BMPR1B: variants seen among roughly 807,000 people sequenced by gnomAD.
BMPR1B encodes the protein bone morphogenetic protein receptor type 1B.
A neutral mutation model predicts 59.1 loss-of-function variants in BMPR1B; 12 were observed. The observed-to-expected ratio is 0.20, with a 90% CI of 0.13 to 0.33. The LOEUF (loss-of-function observed/expected upper bound fraction) is 0.33, where lower values mean the gene tolerates loss of function less well. BMPR1B is among the 10% of genes least tolerant of loss of function. The pLI is 1.00. For synonymous variants in BMPR1B, 237 were observed against 207.3 expected, an observed-to-expected ratio of 1.14 and a Z score of -1.23; for missense variants, 550 against 610.9, an observed-to-expected ratio of 0.90 and a Z score of 1.05.
intron 1 of BMPR1B, among the ~76,000 whole-genome samples, chr4:94,837,941 C>T (rs1430283336): frequency 7.8e-6 from 1 of 127,838 alleles, no homozygotes; most frequent in African/African-American, 3.2e-5. Context: ...CCATCAATAC[C>T]TAATTTGTTG....
chr4:94,824,510 T>G (rs1006259394), intron 1 of BMPR1B, among the ~76,000 whole-genome samples: 1 of 152,244 alleles, frequency 6.6e-6, no homozygotes, highest in African/African-American at 2.4e-5. Context: ...TGTATCCTTA[T>G]GCTATTTGAA....
In BMPR1B at chr4:95,154,856, G is replaced by C. The variant is rs2149333208; in HGVS notation, c.*183G>C. On this transcript the variant is annotated 3_prime_UTR_variant, in exon 13 of 13. Coordinates refer to ENST00000515059, the MANE Select transcript of BMPR1B (RefSeq NM_001203.3). ...GCAAAGACAGAGAAGCTCCCAGAAG[G>C]AGAGATTGATCCATGTCTGTTTGTA... 1 of 773,288 alleles carries C rather than the reference G, an allele frequency of 1.3e-6. No individual in the cohort carries two copies. The highest frequency in any genetic ancestry group is 2.5e-5 in the Admixed American group (1 of 40,796). The allele number at this position is 773,288 out of a possible 1,614,324, so 47.9% of individuals were successfully genotyped here. A position where few individuals can be genotyped will look rare whatever the true frequency, so the allele number is the denominator to read the frequency against.
Position 95,104,517 on chromosome 4 carries a change from T to C in BMPR1B, c.93T>C (p.Arg31=), listed in dbSNP as rs1731064692. The C allele has an allele frequency of 1.2e-6, 2 of 1,612,954 alleles. No homozygotes were observed. The highest frequency in any genetic ancestry group is 1.3e-5 in the African/African-American group (1 of 74,766). ...TAPTPRPKVL[R]CKCHHHCPED... is the part of the protein sequence containing the mutation. ...CCACCCCCCGTCCAAAGGTCTTGCG[T>C]TGTAAATGCCACCACCATTGTCCAG... The change falls in exon 4 of 13, where the codon CGT becomes CGC. Residue 31 remains arginine, a synonymous_variant. Coordinates refer to ENST00000515059, the MANE Select transcript of BMPR1B (RefSeq NM_001203.3).
At chr4:95,097,459 C>T (rs945862086) in intron 3 of BMPR1B, among the ~76,000 whole-genome samples, 2 of 152,052 alleles carry the variant, frequency 1.3e-5, no homozygotes, top group African/African-American at 2.4e-5. Context: ...ATTTAAAATG[C>T]ATTTGGGAAG....
chr4:95,002,307 A>G (rs1262528526), intron 3 of BMPR1B, among the ~76,000 whole-genome samples: 2 of 152,158 alleles, frequency 1.3e-5, no homozygotes, highest in African/African-American at 4.8e-5. Flanking sequence ...GCTGCAAACG[A>G]TGATTTCATT....
At chr4:94,926,709 G>GGT (rs984360956) in intron 2 of BMPR1B, among the ~76,000 whole-genome samples, 22 of 151,558 alleles carry the variant, frequency 1.5e-4, no homozygotes, top group South Asian at 8.4e-4. Context: ...GATTTATAGG[G>GGT]GTGTGTGTGT....
intron 10 of BMPR1B, among the ~76,000 whole-genome samples, chr4:95,146,568 T>G (rs1734661397): frequency 6.6e-6 from 1 of 152,206 alleles, no homozygotes. Context: ...CCTTTCTAAA[T>G]GCCCTTCTGT....
rs559066002 is a variant in BMPR1B at position 94,805,203 on chromosome 4, A to G, written c.-183+47135A>G. Among the ~76,000 whole-genome samples, 3 of 152,312 alleles carry G rather than the reference A, an allele frequency of 2.0e-5. No individual in the cohort carries two copies. In the East Asian group the frequency reaches 5.8e-4, roughly 29 times the overall value. Reference sequence around the variant, plus strand: ...AAGCAGAGGAGGCCAGAGAAGTTAAATAACAGTTTTAGGATCATGTAGTGA... The same window carrying G: ...AAGCAGAGGAGGCCAGAGAAGTTAAGTAACAGTTTTAGGATCATGTAGTGA... On this transcript the variant is annotated intron_variant, in intron 1 of 12. Transcript: ENST00000515059.
rs996687910 is a variant in BMPR1B at position 95,156,072 on chromosome 4, C to T, written c.*1399C>T. The stretch of plus-strand genomic sequence containing the variant: ...CACTATTTAATTTATTATATTTTCT[C>T]TTCTGTGGCACTTATACAAAATATC... On this transcript the variant is annotated 3_prime_UTR_variant, in exon 13 of 13. Coordinates refer to ENST00000515059, the MANE Select transcript of BMPR1B (RefSeq NM_001203.3). 3.9e-5 allele frequency: 6 copies of T among 152,010 alleles called. No individual in the cohort carries two copies. The highest frequency in any genetic ancestry group is 1.5e-4 in the African/African-American group (6 of 41,378). The allele number at this position is 152,010 out of a possible 1,614,324, so 9.4% of individuals were successfully genotyped here. A position where few individuals can be genotyped will look rare whatever the true frequency, so the allele number is the denominator to read the frequency against.
chr4:95,083,834 A>G (rs1263544711), intron 3 of BMPR1B, among the ~76,000 whole-genome samples: 1 of 152,208 alleles, frequency 6.6e-6, no homozygotes, highest in Non-Finnish European at 1.5e-5. Context: ...AATGAAAAAC[A>G]TAATCACTTG....
chr4:94,868,560 T>A (rs922648805), intron 1 of BMPR1B, among the ~76,000 whole-genome samples: 5 of 152,192 alleles, frequency 3.3e-5, no homozygotes, highest in African/African-American at 4.8e-5. Flanking sequence ...CCAAATGAAA[T>A]CCTGTTTCCT....
chr4:94,861,094 A>C (rs146816412), intron 1 of BMPR1B, among the ~76,000 whole-genome samples: 19 of 151,662 alleles, frequency 1.3e-4, no homozygotes, highest in African/African-American at 3.6e-4. Context: ...CTGGGTCTTG[A>C]GAGTTATAGT....
chr4:95,091,814 G>A (rs1485846896), intron 3 of BMPR1B, among the ~76,000 whole-genome samples: 1 of 151,952 alleles, frequency 6.6e-6, no homozygotes, highest in African/African-American at 2.4e-5. Context: ...AAATTACATG[G>A]CAAGAAAATA....
chr4:95,152,780 C>A lies in BMPR1B; in HGVS notation c.1383+7C>A. Reference sequence around the variant, plus strand: ...CCGGTGGAGCAGTGATGAGGTAAGGCTTGAGGTAACCATGTGGCTGTGACA... The same window carrying A: ...CCGGTGGAGCAGTGATGAGGTAAGGATTGAGGTAACCATGTGGCTGTGACA... On this transcript the variant is annotated splice_region_variant and intron_variant, in intron 12 of 12. Transcript: ENST00000515059. The A allele has an allele frequency of 6.2e-7, 1 of 1,611,876 alleles. No individual in the cohort carries two copies. The highest frequency in any genetic ancestry group is 8.5e-7 in the Non-Finnish European group (1 of 1,179,030).
chr4:95,052,600 C>A (rs1175738907), intron 3 of BMPR1B, among the ~76,000 whole-genome samples: 2 of 152,136 alleles, frequency 1.3e-5, no homozygotes, highest in African/African-American at 2.4e-5. Flanking sequence ...TATTATAGAA[C>A]TAACTTGGCT....
chr4:95,074,633 A>T (rs928700430), intron 3 of BMPR1B, among the ~76,000 whole-genome samples: 1 of 152,126 alleles, frequency 6.6e-6, no homozygotes, highest in African/African-American at 2.4e-5. Context: ...GATACAAATA[A>T]TATAAGGATG....
At chr4:94,777,582 C>T (rs1028512258) in intron 1 of BMPR1B, among the ~76,000 whole-genome samples, 4 of 151,990 alleles carry the variant, frequency 2.6e-5, no homozygotes, top group Non-Finnish European at 5.9e-5. Flanking sequence ...GCAGAAGTGA[C>T]CTTAAAAAAA....
intron 1 of BMPR1B, among the ~76,000 whole-genome samples, chr4:94,840,495 C>G (rs1271657148): frequency 1.4e-5 from 2 of 146,990 alleles, no homozygotes; most frequent in Admixed American, 6.8e-5. Context: ...CTTCCCTTCT[C>G]GCTTCATTTC....
intron 3 of BMPR1B, among the ~76,000 whole-genome samples, chr4:95,095,509 G>T (rs906885152): frequency 6.6e-6 from 1 of 152,190 alleles, no homozygotes; most frequent in East Asian, 1.9e-4. Context: ...GTGCAAACTT[G>T]TGTAATATGA....
Sources: allele counts gnomAD v4.1 joint callset (sites outside exome capture counted in the v4.1 genomes callset), GRCh38; gene constraint gnomAD v4.1.1; transcripts MANE v1.5; gene names NCBI Gene and HGNC (gene_info 2026-07-23, HGNC 2026-07-21).